GHR: variants seen among roughly 807,000 people sequenced by gnomAD.
GHR encodes the protein growth hormone receptor, also known as GH receptor.
GHR carries 35 observed loss-of-function variants against 67.1 expected under a neutral mutation model. That is an observed-to-expected ratio of 0.52 (90% CI 0.40 to 0.69). GHR has a LOEUF of 0.69. Among genes scored for constraint, GHR ranks in the 30% least tolerant of loss-of-function variants. The pLI is 0.00. For synonymous variants in GHR, 272 were observed against 269.1 expected (o/e 1.01, Z -0.10); for missense variants, 792 against 764.6 (o/e 1.04, Z -0.42).
At chr5:42,474,289 G>GAGAAAGAGAAAGAAAGAAAGAAAGAA (rs1745160329) in intron 1 of GHR, among the ~76,000 whole-genome samples, 1 of 24,058 alleles carries the variant, frequency 4.2e-5, no homozygotes, top group African/African-American at 1.3e-4. Flanking sequence ...GAAAGAAAAA[G>GAGAAAGAGAAAGAAAGAAAGAAAGAA]AGAAAGAGAA....
intron 3 of GHR, among the ~76,000 whole-genome samples, chr5:42,674,148 G>T (rs540256697): frequency 1.5e-3 from 229 of 152,154 alleles, no homozygotes; most frequent in African/African-American, 5.4e-3. Context: ...TTTTCATATT[G>T]CCAAGGATCC....
At chr5:42,670,993 A>G (rs974629109) in intron 3 of GHR, among the ~76,000 whole-genome samples, 19 of 151,980 alleles carry the variant, frequency 1.3e-4, no homozygotes, top group Admixed American at 1.1e-3. Flanking sequence ...CTACAGGCCA[A>G]CATCTCTGAT....
chr5:42,463,807 A>C (rs1200890277), intron 1 of GHR, among the ~76,000 whole-genome samples: 1 of 151,122 alleles, frequency 6.6e-6, no homozygotes, highest in Non-Finnish European at 1.5e-5. Flanking sequence ...TCCCGGCTAA[A>C]ACGGTGAAAC....
At chr5:42,521,584 T>G (rs928705969) in intron 1 of GHR, among the ~76,000 whole-genome samples, 1 of 152,244 alleles carries the variant, frequency 6.6e-6, no homozygotes, top group Non-Finnish European at 1.5e-5. Context: ...CTTTACATTT[T>G]CATCTGCTAA....
intron 3 of GHR, among the ~76,000 whole-genome samples, chr5:42,632,832 T>C (rs1753996325): frequency 6.6e-6 from 1 of 152,228 alleles, no homozygotes; most frequent in African/African-American, 2.4e-5. Flanking sequence ...ACAACTTTTT[T>C]ATATTTTAAA....
At chr5:42,438,901 T>G (rs1743449594) in intron 1 of GHR, among the ~76,000 whole-genome samples, 2 of 152,150 alleles carry the variant, frequency 1.3e-5, no homozygotes, top group African/African-American at 4.8e-5. Flanking sequence ...AGAAAATAAA[T>G]ATTTGCTGTT....
intron 4 of GHR, among the ~76,000 whole-genome samples, chr5:42,691,156 A>G (rs1248396057): frequency 6.6e-6 from 1 of 152,178 alleles, no homozygotes; most frequent in Non-Finnish European, 1.5e-5. Context: ...ACTACCAAGG[A>G]TGCTGCTGAA....
At chr5:42,588,592 A>C (rs1751617249) in intron 2 of GHR, among the ~76,000 whole-genome samples, 2 of 148,476 alleles carry the variant, frequency 1.3e-5, no homozygotes, top group African/African-American at 4.9e-5. Flanking sequence ...ATTCAAACTC[A>C]GGCTTTATAT....
At position 42,718,073 on chromosome 5, in the gene GHR, C is replaced by T; in HGVS notation, c.897C>T (p.Pro299=). 6.3e-7 allele frequency: 1 copy of T among 1,589,774 alleles called. No individual in the cohort carries two copies. The highest frequency in any genetic ancestry group is 1.3e-5 in the African/African-American group (1 of 74,164). Residue 299 remains proline (P), a synonymous_variant, in exon 9 of 10, where the codon CCC becomes CCT. Transcript: ENST00000230882. ...CAAGGATTAAAATGCTGATTCTGCC[C>T]CCAGTTCCAGTTCCAAAGATTAAAG... is the stretch of plus-strand genomic sequence containing the variant. The part of the protein sequence containing the change: ...KQQRIKMLIL[P]PVPVPKIKGI...
At chr5:42,666,759 C>CT (rs1756004210) in intron 3 of GHR, among the ~76,000 whole-genome samples, 1 of 152,108 alleles carries the variant, frequency 6.6e-6, no homozygotes, top group Non-Finnish European at 1.5e-5. Flanking sequence ...CAGTTCACAC[C>CT]TACTGAATCT....
intron 4 of GHR, among the ~76,000 whole-genome samples, chr5:42,691,256 A>G (rs966530222): frequency 5.3e-5 from 8 of 152,232 alleles, no homozygotes; most frequent in Admixed American, 5.2e-4. Flanking sequence ...CAGGAGGGTA[A>G]GTACAGCTTC....
At chr5:42,658,715 G>C (rs1414945750) in intron 3 of GHR, among the ~76,000 whole-genome samples, 1 of 152,108 alleles carries the variant, frequency 6.6e-6, no homozygotes, top group Non-Finnish European at 1.5e-5. Context: ...AAGAGGGGGT[G>C]CTACTGGCAT....
At chr5:42,575,731 T>C (rs1190861697) in intron 2 of GHR, among the ~76,000 whole-genome samples, 2 of 139,386 alleles carry the variant, frequency 1.4e-5, no homozygotes, top group East Asian at 4.1e-4. Flanking sequence ...AGCCTGCATG[T>C]AAAAAAAAAA....
chr5:42,565,381 G>A, intron 1 of GHR: 1 of 866,436 alleles, frequency 1.2e-6, no homozygotes, highest in African/African-American at 1.8e-5. Context: ...GTTTTGAGTG[G>A]TTTGAGCTCT....
At chr5:42,680,853 AT>A (rs35948016) in intron 3 of GHR, among the ~76,000 whole-genome samples, 5,060 of 150,738 alleles carry the variant, frequency 0.034, 264 homozygotes, top group African/African-American at 0.11. Context: ...TATTATTATT[AT>A]TTTTTTTTAT....
rs1448895969 is a variant in GHR at position 42,424,606 on chromosome 5, G to A, written c.-12+651G>A. ...CAGTCCGCATGAACTGGGGTAAGTG[G>A]AAATTGTGGCGAGCCGACCTCCCCC... On this transcript the variant is annotated intron_variant, in intron 1 of 9. Coordinates refer to ENST00000230882, the MANE Select transcript of GHR (RefSeq NM_000163.5). This position sits in a 1 kb window ranked among gnomAD's most constrained non-coding sequence, Gnocchi z 4.1. 3.3e-6 allele frequency: 5 copies of A among 1,534,518 alleles called. No individual in the cohort carries two copies. The highest frequency in any genetic ancestry group is 1.2e-5 in the South Asian group (1 of 84,040).
intron 2 of GHR, among the ~76,000 whole-genome samples, chr5:42,581,784 C>T (rs1294386637): frequency 1.3e-5 from 2 of 152,154 alleles, no homozygotes; most frequent in East Asian, 1.9e-4. Flanking sequence ...TCTGAGTTGG[C>T]AGGTCTGAAG....
chr5:42,478,052 AT>A (rs1403136026), intron 1 of GHR, among the ~76,000 whole-genome samples: 9 of 151,980 alleles, frequency 5.9e-5, no homozygotes, highest in Non-Finnish European at 8.8e-5. Context: ...TCTTGAATTA[AT>A]TTTTGTATAA....
chr5:42,701,935 A>G (rs989270097), intron 6 of GHR, among the ~76,000 whole-genome samples: 3 of 152,094 alleles, frequency 2.0e-5, no homozygotes. Context: ...AATTTTTTTA[A>G]TGATCAAAAA....
Sources: gnomAD v4.1 joint callset for allele counts (sites outside exome capture counted in the v4.1 genomes callset) on GRCh38, gnomAD v4.1.1 for gene constraint, Gnocchi (gnomAD v3.1) non-coding constraint, MANE v1.5 for transcripts, NCBI Gene and HGNC (gene_info 2026-07-23, HGNC 2026-07-21) for gene names.